The following DIP2C variants were observed in gnomAD, a reference collection of about 807,000 sequenced individuals.
DIP2C encodes the protein disco-interacting protein 2 homolog C.
DIP2C carries 33 observed loss-of-function variants against 192.4 expected under a neutral mutation model. That is an observed-to-expected ratio of 0.17 (90% CI 0.13 to 0.23). The LOEUF (loss-of-function observed/expected upper bound fraction) is 0.23, where lower values mean the gene tolerates loss of function less well. Ranked by LOEUF, DIP2C falls within the 10% of genes least tolerant of loss-of-function variation. The pLI, the probability that DIP2C is intolerant of heterozygous loss-of-function variation, is 1.00. For synonymous variants in DIP2C, 979 were observed against 864.1 expected (o/e 1.13, Z -2.33); for missense variants, 1,537 against 2,110.1 (o/e 0.73, Z 5.32).
chr10:577,298 G>A (rs939522530), intron 1 of DIP2C, among the ~76,000 whole-genome samples: 7 of 152,286 alleles, frequency 4.6e-5, no homozygotes, highest in South Asian at 4.1e-4. Context: ...ATTCACTAGC[G>A]ATTAGCAAAA....
At chr10:313,138 A>G (rs76637982) in intron 31 of DIP2C, among the ~76,000 whole-genome samples, 5,942 of 152,280 alleles carry the variant, frequency 0.039, 166 homozygotes, top group Middle Eastern at 0.092. Flanking sequence ...TTCAAGATAC[A>G]TATTGAGGGA....
intron 17 of DIP2C, among the ~76,000 whole-genome samples, chr10:371,060 T>C (rs1446068857): frequency 4.6e-5 from 7 of 152,080 alleles, no homozygotes; most frequent in Admixed American, 4.6e-4. Context: ...GGCTTTCCAT[T>C]ATCCTCCTGG....
rs558047635 is a variant in DIP2C at position 411,944 on chromosome 10, CA to C, written c.1057+1968del. Among the ~76,000 whole-genome samples, 7 of 152,330 alleles carry C rather than the reference CA, an allele frequency of 4.6e-5. No individual in the cohort carries two copies. The East Asian group carries it at 1.3e-3, about 29-fold the overall frequency. On this transcript the variant is annotated intron_variant, in intron 8 of 36. Coordinates refer to ENST00000280886, the MANE Select transcript of DIP2C (RefSeq NM_014974.3). ...ACAAGTAAAAACCAAGATCAACCCA[CA>C]GCCTGCAATTAAAATGGATAATTAA...
intron 1 of DIP2C, among the ~76,000 whole-genome samples, chr10:657,893 A>G (rs1261947599): frequency 6.6e-6 from 1 of 150,954 alleles, no homozygotes; most frequent in Admixed American, 6.6e-5. Context: ...CTGCCCCTGG[A>G]CCTGCCGCTG....
rs758894187 is a variant in DIP2C at position 349,353 on chromosome 10, G to A, written c.3087C>T (p.His1029=). The change falls in exon 25 of 37, where the codon CAC becomes CAT. Residue 1029 remains histidine, a synonymous_variant. Transcript: ENST00000280886. ...TACCTGGGGGGTAGACCAAGGCCAC[G>A]TGGTCGCCGTCCTGAAGGTGGCCCC... is the stretch of plus-strand genomic sequence containing the variant. The part of the protein sequence containing the change: ...MERGHLQDGD[H]VALVYPPGID... The A allele has an allele frequency of 1.1e-5, 18 of 1,609,102 alleles. No individual in the cohort carries two copies. Among genetic ancestry groups the A allele is most frequent in the Middle Eastern group, 1.6e-4 (1 of 6,082 alleles).
At chr10:504,996 T>C (rs1845495955) in intron 1 of DIP2C, among the ~76,000 whole-genome samples, 1 of 152,120 alleles carries the variant, frequency 6.6e-6, no homozygotes, top group Admixed American at 6.5e-5. Context: ...ATTCATTCAT[T>C]CAGCAAAACC....
At chr10:319,312 C>T (rs1239792574) in intron 31 of DIP2C, among the ~76,000 whole-genome samples, 1 of 152,208 alleles carries the variant, frequency 6.6e-6, no homozygotes, top group Admixed American at 6.5e-5. Context: ...GCAATAGTTA[C>T]TGTTGATTTA....
chr10:534,668 A>ATTTTT (rs66643213), intron 1 of DIP2C, among the ~76,000 whole-genome samples: 15 of 130,702 alleles, frequency 1.1e-4, no homozygotes, highest in African/African-American at 3.8e-4. Context: ...CTGGATGATT[A>ATTTTT]TTATTTTTTT....
At chr10:604,275 ATT>A (rs1477159186) in intron 1 of DIP2C, among the ~76,000 whole-genome samples, 4 of 152,172 alleles carry the variant, frequency 2.6e-5, no homozygotes, top group South Asian at 2.1e-4. Flanking sequence ...AAAAATTGGC[ATT>A]GTTTTCCTCC....
intron 4 of DIP2C, 78 bp downstream of exon 4, chr10:440,793 A>G: frequency 1.3e-6 from 2 of 1,505,230 alleles, no homozygotes; most frequent in Non-Finnish European, 1.8e-6. Flanking sequence ...GAAAGCAAAA[A>G]CCCCTGATTG....
At chr10:404,942 A>C (rs78916252) in intron 9 of DIP2C, among the ~76,000 whole-genome samples, 292 of 152,360 alleles carry the variant, frequency 1.9e-3, no homozygotes, top group African/African-American at 6.2e-3. Flanking sequence ...GTGAACAAAC[A>C]GTATTCAGTT....
intron 8 of DIP2C, among the ~76,000 whole-genome samples, chr10:413,546 T>C (rs191782288): frequency 6.6e-6 from 1 of 152,384 alleles, no homozygotes; most frequent in Admixed American, 6.5e-5. Flanking sequence ...CTTTTTATAT[T>C]GAAATCAAAT....
intron 1 of DIP2C, among the ~76,000 whole-genome samples, chr10:523,230 G>A (rs1846826173): frequency 6.7e-6 from 1 of 148,742 alleles, no homozygotes; most frequent in African/African-American, 2.5e-5. Flanking sequence ...CTGGAGTAAG[G>A]ATGCAGGGAC....
chr10:680,271 C>T (rs531774336), intron 1 of DIP2C, among the ~76,000 whole-genome samples: 1 of 152,278 alleles, frequency 6.6e-6, no homozygotes, highest in South Asian at 2.1e-4. Flanking sequence ...GCTTTACCGT[C>T]CCAGCATGCT....
chr10:296,082 C>G (rs2132234054), intron 32 of DIP2C, among the ~76,000 whole-genome samples: 1 of 152,288 alleles, frequency 6.6e-6, no homozygotes, highest in East Asian at 1.9e-4. Flanking sequence ...CCTGTTTGCT[C>G]TGATGGTAGT....
At chr10:661,954 G>A in intron 1 of DIP2C, 1 of 698,574 alleles carries the variant, frequency 1.4e-6, no homozygotes, top group Non-Finnish European at 2.6e-6. Context: ...TTCCCCTCCT[G>A]ACCCAGGCAC....
At chr10:486,783 T>G (rs532041067) in intron 1 of DIP2C, among the ~76,000 whole-genome samples, 14 of 152,318 alleles carry the variant, frequency 9.2e-5, no homozygotes, top group African/African-American at 3.1e-4. Flanking sequence ...TTTATCCGGA[T>G]GGGGTCCAGG....
rs201362301 is a variant in DIP2C, at chr10:334,150, C to CA, written c.3585-4550dup. Among the ~76,000 whole-genome samples, 1,502 of 151,048 alleles carry CA rather than the reference C, an allele frequency of 9.9e-3. 22 individuals carry two copies. Among genetic ancestry groups the CA allele is most frequent in the East Asian group, 0.031 (160 of 5,158 alleles). On this transcript the variant is annotated intron_variant, in intron 29 of 36. Transcript: ENST00000280886. ...CAAAACACTGTCTCTACTAAAAATA[C>CA]AAAAAAAATAGCCAGGTGTGGTGGT...
intron 3 of DIP2C, among the ~76,000 whole-genome samples, chr10:470,728 G>T (rs1008855278): frequency 2.0e-5 from 3 of 152,104 alleles, no homozygotes; most frequent in African/African-American, 7.3e-5. Context: ...CGGATCTCCT[G>T]TGTGGTAAGA....
Sources: allele counts gnomAD v4.1 joint callset (sites outside exome capture counted in the v4.1 genomes callset), GRCh38; gene constraint gnomAD v4.1.1; transcripts MANE v1.5; gene names NCBI Gene and HGNC (gene_info 2026-07-23, HGNC 2026-07-21).